The following IFNGR2 variants were observed in gnomAD, a reference collection of about 807,000 sequenced individuals.
IFNGR2 encodes IFN-gamma receptor 2.
In IFNGR2, 15 loss-of-function variants were observed where a neutral mutation model predicts 41.1. That is an observed-to-expected ratio of 0.37 (90% CI 0.24 to 0.56). IFNGR2 has a LOEUF of 0.56. Among genes scored for constraint, IFNGR2 ranks in the 20% least tolerant of loss-of-function variants. The pLI is 0.81. For missense variants in IFNGR2, 362 were observed against 415.7 expected (o/e 0.87, Z 1.12); for synonymous variants, 161 against 171.6 (o/e 0.94, Z 0.48).
chr21:33,430,568 G>A (rs915763082), intron 4 of IFNGR2, among the ~76,000 whole-genome samples: 7 of 152,054 alleles, frequency 4.6e-5, no homozygotes, highest in Admixed American at 3.9e-4. Context: ...TTGGCCTTCC[G>A]AGTAGCTGGG....
chr21:33,405,081 GACAGAGCA>G (rs1295652276), intron 1 of IFNGR2, among the ~76,000 whole-genome samples: 1 of 146,150 alleles, frequency 6.8e-6, no homozygotes, highest in Non-Finnish European at 1.5e-5. Context: ...CCGCCTGGGC[GACAGAGCA>G]AGACTCTGTC....
intron 2 of IFNGR2, among the ~76,000 whole-genome samples, chr21:33,416,857 A>G (rs1227542495): frequency 6.6e-6 from 1 of 150,964 alleles, no homozygotes; most frequent in African/African-American, 2.4e-5. Flanking sequence ...AGTAATGTGG[A>G]AAAATGACAG....
At chr21:33,405,270 T>C (rs978458665) in intron 1 of IFNGR2, among the ~76,000 whole-genome samples, 1 of 152,226 alleles carries the variant, frequency 6.6e-6, no homozygotes, top group African/African-American at 2.4e-5. Flanking sequence ...CATTCGAAGC[T>C]ATAACCTTGT....
At chr21:33,425,238 C>T (rs536491556) in intron 3 of IFNGR2, among the ~76,000 whole-genome samples, 2 of 152,278 alleles carry the variant, frequency 1.3e-5, no homozygotes, top group South Asian at 4.1e-4. Context: ...CCTTATTTGG[C>T]AGTGACACTG....
At chr21:33,420,303 AG>A (rs2083782985) in intron 2 of IFNGR2, among the ~76,000 whole-genome samples, 1 of 151,982 alleles carries the variant, frequency 6.6e-6, no homozygotes. Flanking sequence ...TTGCTGTTGT[AG>A]GGGGATACTG....
At chr21:33,425,202 G>T (rs2083825729) in intron 3 of IFNGR2, among the ~76,000 whole-genome samples, 1 of 152,032 alleles carries the variant, frequency 6.6e-6, no homozygotes. Flanking sequence ...TTACAGGTAT[G>T]AGCCACCATG....
chr21:33,430,553 C>T (rs1026904029), intron 4 of IFNGR2, among the ~76,000 whole-genome samples: 2 of 152,182 alleles, frequency 1.3e-5, no homozygotes, highest in African/African-American at 4.8e-5. Context: ...AGCCATCCTC[C>T]CACTTTGGCC....
intron 2 of IFNGR2, among the ~76,000 whole-genome samples, chr21:33,416,821 CA>C (rs11356057): frequency 0.67 from 76,704 of 113,788 alleles, 23,322 homozygotes; most frequent in East Asian, 0.81. Context: ...GACTCCATCT[CA>C]AAAAAAAAAA....
chr21:33,413,826 CTTTTTTTTTTTT>C (rs3057381), intron 1 of IFNGR2, among the ~76,000 whole-genome samples: 2 of 61,728 alleles, frequency 3.2e-5, no homozygotes, highest in Non-Finnish European at 5.6e-5. Context: ...GCCCCCTAAC[CTTTTTTTTTTTT>C]TTTTTTTTTT....
intron 1 of IFNGR2, among the ~76,000 whole-genome samples, chr21:33,413,173 C>G (rs925166233): frequency 1.3e-5 from 2 of 152,210 alleles, no homozygotes; most frequent in Admixed American, 6.5e-5. Context: ...CCACCACCCC[C>G]CTCTGGAAGC....
chr21:33,437,203 G>T lies in IFNGR2; in HGVS notation c.*241G>T. ...ACGGAGATATCCCAGGAAAATTAAG[G>T]CTTCTCTTAAACACTAAAAAGGCAT... is the stretch of plus-strand genomic sequence containing the variant. On this transcript the variant is annotated 3_prime_UTR_variant, in exon 7 of 7. Transcript: ENST00000290219. 1 of 501,860 alleles carries T rather than the reference G, an allele frequency of 2.0e-6. No homozygotes were observed. The allele number at this position is 501,860 out of a possible 1,614,324, so 31.1% of individuals were successfully genotyped here.
Position 33,421,574 on chromosome 21 carries a change from C to T in IFNGR2, c.301C>T (p.Pro101Ser). Reference protein sequence around the residue: ...ATECDFTAASPSAGFPMDFNV... With the variant: ...ATECDFTAASSSAGFPMDFNV... ...AGAGTGTGACTTCACTGCCGCCAGT[C>T]CCTCAGCAGGCTTCCCAATGGATTT... Residue 101 changes from proline to serine, a missense_variant, in exon 3 of 7, where the codon CCC (proline) becomes TCC (serine). Transcript: ENST00000290219. 1 of 1,613,980 alleles carries T rather than the reference C, an allele frequency of 6.2e-7. No individual in the cohort carries two copies. Among genetic ancestry groups the T allele is most frequent in the Non-Finnish European group, 8.5e-7 (1 of 1,179,872 alleles).
chr21:33,423,514 C>A (rs2123352661), intron 3 of IFNGR2, among the ~76,000 whole-genome samples: 2 of 151,516 alleles, frequency 1.3e-5, no homozygotes, highest in African/African-American at 4.8e-5. Flanking sequence ...CTCCCGGGTT[C>A]AAGTGAGCCT....
intron 3 of IFNGR2, among the ~76,000 whole-genome samples, chr21:33,425,005 G>A (rs1217221479): frequency 6.6e-6 from 1 of 152,166 alleles, no homozygotes; most frequent in Non-Finnish European, 1.5e-5. Flanking sequence ...TGCCTCTCAG[G>A]TTCAAGCGAT....
intron 6 of IFNGR2, among the ~76,000 whole-genome samples, chr21:33,433,664 C>T (rs2083913240): frequency 6.6e-6 from 1 of 152,082 alleles, no homozygotes; most frequent in Admixed American, 6.6e-5. Context: ...TGGGGCTGTA[C>T]AGAGTTCTGG....
chr21:33,403,526 C>A lies in IFNGR2; in HGVS notation c.-18C>A, dbSNP rs776426451. On this transcript the variant is annotated 5_prime_UTR_variant, in exon 1 of 7. Transcript: ENST00000290219. Reference sequence around the variant, plus strand: ...GGGCCCCGGCCGCGACCTGAGCCGCCGCCGAGCGCCCGGGGCCATGCGACC... The same window carrying A: ...GGGCCCCGGCCGCGACCTGAGCCGCAGCCGAGCGCCCGGGGCCATGCGACC... 1.4e-5 allele frequency: 18 copies of A among 1,258,678 alleles called. No homozygotes were observed. The highest frequency in any genetic ancestry group is 3.8e-5 in the East Asian group (1 of 26,322). The allele number at this position is 1,258,678 out of a possible 1,614,324, so 78.0% of individuals were successfully genotyped here.
At chr21:33,411,347 G>T (rs984824775) in intron 1 of IFNGR2, 1 of 433,308 alleles carries the variant, frequency 2.3e-6, no homozygotes, top group Non-Finnish European at 4.8e-6. Context: ...GAGCCCCTTG[G>T]TGCTTCCTTT....
chr21:33,415,102 C>CACAGAGGCAGGGA, intron 2 of IFNGR2, 82 bp downstream of exon 2: 7 of 1,500,694 alleles, frequency 4.7e-6, no homozygotes, highest in South Asian at 1.1e-5. Context: ...CTAGTCCCTG[C>CACAGAGGCAGGGA]CTCTGTGCAG....
At chr21:33,409,191 G>A (rs573383806) in intron 1 of IFNGR2, among the ~76,000 whole-genome samples, 9 of 144,218 alleles carry the variant, frequency 6.2e-5, no homozygotes, top group East Asian at 2.1e-4. Flanking sequence ...AAAAGAGGCC[G>A]GGCTCAGTGG....
Sources: gnomAD v4.1 joint callset for allele counts (sites outside exome capture counted in the v4.1 genomes callset) on GRCh38, gnomAD v4.1.1 for gene constraint, MANE v1.5 for transcripts, NCBI Gene and HGNC (gene_info 2026-07-23, HGNC 2026-07-21) for gene names.